Variants in ABCA9 observed in about 807,000 individuals in gnomAD.
ABCA9 encodes ATP-binding cassette sub-family A member 9.
ABCA9 carries 183 observed loss-of-function variants against 205.3 expected under a neutral mutation model. The observed-to-expected ratio is 0.89, with a 90% CI of 0.79 to 1.01. The LOEUF is 1.01. Among genes scored for constraint, ABCA9 ranks in the 50% least tolerant of loss-of-function variants. ABCA9 has a pLI of 0.00. For missense variants in ABCA9, 1,805 were observed against 1,912.4 expected (o/e 0.94, Z 1.05); for synonymous variants, 651 against 683.3 (o/e 0.95, Z 0.74).
chr17:69,050,991 C>T (rs1480109725), intron 2 of ABCA9, 40 bp downstream of exon 2: 1 of 1,568,492 alleles, frequency 6.4e-7, no homozygotes, highest in Non-Finnish European at 8.7e-7. Context: ...AATACTTTTT[C>T]ATCCTCTAAA....
At position 68,983,826 on chromosome 17, in the gene ABCA9, A is replaced by G; in HGVS notation, c.4523T>C (p.Leu1508Pro). 1 of 1,614,198 alleles carries G rather than the reference A, an allele frequency of 6.2e-7. No individual in the cohort carries two copies. Among genetic ancestry groups the G allele is most frequent in the Admixed American group, 1.7e-5 (1 of 60,020 alleles). The change falls in exon 36 of 39, where the codon CTG (leucine) becomes CCG (proline). Residue 1508 changes from leucine to proline, a missense_variant. Physicochemically the swap from Leu to Pro is moderately conservative, Grantham distance 98 (BLOSUM62 -3). Coordinates refer to ENST00000340001, the MANE Select transcript of ABCA9 (RefSeq NM_080283.4). ...RLRCIGSIQH[L>P]KSKFGKDYLL... The stretch of plus-strand genomic sequence containing the variant: ...GTAGTCTTTGCCAAATTTGCTTTTC[A>G]GGTGTTGGATGGAACCAATACATCT...
rs750029027 is a variant in ABCA9 at position 69,045,339 on chromosome 17, G to T, written c.305-3C>A. ...AGGCCACCCCATGATTGTTCTTCCT[G>T]CCATGTGAAGAAAACAAAAGAAATA... On this transcript the variant is annotated splice_polypyrimidine_tract_variant and splice_region_variant and intron_variant, in intron 3 of 38. Coordinates refer to ENST00000340001, the MANE Select transcript of ABCA9 (RefSeq NM_080283.4). 1.2e-6 allele frequency: 2 copies of T among 1,602,304 alleles called. No individual in the cohort carries two copies. Among genetic ancestry groups the T allele is most frequent in the African/African-American group, 2.7e-5 (2 of 74,152 alleles).
At chr17:68,997,045 C>T (rs1358429485) in intron 25 of ABCA9, among the ~76,000 whole-genome samples, 1 of 152,250 alleles carries the variant, frequency 6.6e-6, no homozygotes, top group Non-Finnish European at 1.5e-5. Context: ...ATTCTCCTGC[C>T]TCAGCCTCCC....
rs776664778 is a variant in ABCA9 at position 69,028,544 on chromosome 17, G to C, written c.1606C>G (p.Pro536Ala). The change falls in exon 12 of 39, where the codon CCA becomes GCA. Residue 536 changes from proline (P) to alanine (A), a missense_variant. By Grantham distance (27) the Pro-to-Ala change is conservative. Coordinates refer to ENST00000340001, the MANE Select transcript of ABCA9 (RefSeq NM_080283.4). ...LLNILSGLSV[P>A]TSGSVTVYNH... is the part of the protein sequence containing the mutation. ...ATAACTGTCTTCTTACCTGATGTTG[G>C]AACTGACAACCCACTAAGTATGTTT... The C allele has an allele frequency of 6.3e-7, 1 of 1,596,326 alleles. No homozygotes were observed. The highest frequency in any genetic ancestry group is 8.6e-7 in the Non-Finnish European group (1 of 1,168,854).
At chr17:69,017,304 T>C (rs909159230) in intron 21 of ABCA9, among the ~76,000 whole-genome samples, 1 of 152,040 alleles carries the variant, frequency 6.6e-6, no homozygotes, top group Non-Finnish European at 1.5e-5. Context: ...TATGCAGACA[T>C]AGAAATCAGA....
At chr17:69,013,766 T>C (rs1018305924) in intron 22 of ABCA9, among the ~76,000 whole-genome samples, 2 of 151,994 alleles carry the variant, frequency 1.3e-5, no homozygotes, top group African/African-American at 4.8e-5. Context: ...TGTAGGACAC[T>C]CCGATAGATG....
rs1567947532 is a variant in ABCA9 at position 69,018,497 on chromosome 17, CCCACGGGTA to C, written c.2674_2682del (p.Tyr892_Trp894del). On this transcript the variant is annotated inframe_deletion, in exon 20 of 39. Transcript: ENST00000340001. ...AGGAAGTATGTATTTGGAGACAGTT[CCCACGGGTA>C]ACTTTTCTGATATGACTCGTAGAAT... 5 of 1,607,536 alleles carry C rather than the reference CCCACGGGTA, an allele frequency of 3.1e-6. No individual in the cohort carries two copies. In the South Asian group the frequency reaches 5.5e-5, roughly 18 times the overall value.
intron 28 of ABCA9, 134 bp from the exon 29 acceptor site, chr17:68,991,091 T>TGAAAG (rs562989258): frequency 0.017 from 16,873 of 994,754 alleles, 202 homozygotes; most frequent in Non-Finnish European, 0.022. Flanking sequence ...TTCTTCTACT[T>TGAAAG]GCACCATCCG....
chr17:69,037,358 A>C (rs1331520533), intron 6 of ABCA9, among the ~76,000 whole-genome samples: 1 of 152,222 alleles, frequency 6.6e-6, no homozygotes, highest in East Asian at 1.9e-4. Context: ...AAATCATAAC[A>C]AACAGTTTCT....
the ABCA9 span, among the ~76,000 whole-genome samples, chr17:69,067,590 CAG>C: frequency 8.2e-6 from 1 of 122,000 alleles, no homozygotes; most frequent in Admixed American, 8.5e-5. Flanking sequence ...GAGAGAGAGA[CAG>C]AGAAAGAAAA....
intron 34 of ABCA9, 50 bp downstream of exon 34, chr17:68,984,835 T>G (rs1390076494): frequency 1.2e-6 from 2 of 1,608,032 alleles, no homozygotes; most frequent in East Asian, 2.2e-5. Flanking sequence ...CAGGCCAGTT[T>G]TCACAGGATC....
At chr17:69,004,023 AT>A (rs1330964336) in intron 25 of ABCA9, among the ~76,000 whole-genome samples, 1 of 151,532 alleles carries the variant, frequency 6.6e-6, no homozygotes, top group African/African-American at 2.4e-5. Context: ...TTTCTTCTAA[AT>A]TTTTTTCAAA....
the ABCA9 span, among the ~76,000 whole-genome samples, chr17:69,072,635 CAAA>C: frequency 1.4e-5 from 2 of 140,488 alleles, no homozygotes. Context: ...CCAGCCACTG[CAAA>C]AAAAAAAAAC....
intron 8 of ABCA9, among the ~76,000 whole-genome samples, 198 bp from the exon 9 acceptor site, chr17:69,034,071 T>C (rs2071250379): frequency 6.6e-6 from 1 of 152,160 alleles, no homozygotes; most frequent in Non-Finnish European, 1.5e-5. Flanking sequence ...TGGAAGTTAG[T>C]ACTAGTACTG....
At chr17:69,006,415 A>C (rs2070129760) in intron 25 of ABCA9, among the ~76,000 whole-genome samples, 1 of 152,246 alleles carries the variant, frequency 6.6e-6, no homozygotes, top group South Asian at 2.1e-4. Flanking sequence ...GAATAAATAA[A>C]TTATAGCACA....
intron 37 of ABCA9, among the ~76,000 whole-genome samples, chr17:68,981,492 T>C (rs1347488524): frequency 1.3e-5 from 2 of 152,054 alleles, no homozygotes; most frequent in African/African-American, 4.8e-5. Flanking sequence ...CAACCAGCCA[T>C]TGGGGCATAA....
chr17:69,064,184 G>C (rs561517239), upstream of ABCA9, among the ~76,000 whole-genome samples: 1 of 152,062 alleles, frequency 6.6e-6, no homozygotes, highest in South Asian at 2.1e-4. Flanking sequence ...TTTAAATTAC[G>C]CTTTCCTGTT....
intron 1 of ABCA9, chr17:69,051,780 G>A (rs1469206124): frequency 1.3e-5 from 2 of 152,038 alleles, no homozygotes; most frequent in Admixed American, 6.5e-5. Context: ...AAGAAAGAAA[G>A]AAAAAGAAAA....
Position 69,007,645 on chromosome 17 carries a change from A to G in ABCA9, c.3435+114T>C, listed in dbSNP as rs73367916. ...ATAGTACTTTGATTATCTTAGAAGA[A>G]TTAAAATTTTCTAGAGAGCAATAAT... On this transcript the variant is annotated intron_variant, in intron 25 of 38. Transcript: ENST00000340001. 3,617 of 660,214 alleles carry G rather than the reference A, an allele frequency of 5.5e-3. 70 individuals carry two copies. The highest frequency in any genetic ancestry group is 0.047 in the African/African-American group (2,545 of 54,670). The allele number at this position is 660,214 out of a possible 1,614,324, so 40.9% of individuals were successfully genotyped here. A position where few individuals can be genotyped will look rare whatever the true frequency, so the allele number is the denominator to read the frequency against.
Sources: gnomAD v4.1 joint callset for allele counts (sites outside exome capture counted in the v4.1 genomes callset) on GRCh38, gnomAD v4.1.1 for gene constraint, MANE v1.5 for transcripts, NCBI Gene and HGNC (gene_info 2026-07-23, HGNC 2026-07-21) for gene names.